PRELID2: variants seen among roughly 807,000 people sequenced by gnomAD.
PRELID2 encodes the protein PRELI domain containing 2.
In PRELID2, 25 loss-of-function variants were observed where a neutral mutation model predicts 28.4. The observed-to-expected ratio is 0.88, with a 90% CI of 0.64 to 1.23. The LOEUF is 1.23. Ranked by LOEUF, PRELID2 falls within the 50% of genes most tolerant of loss-of-function variation. The probability of loss-of-function intolerance (pLI) is 0.00; values close to 1 mark genes in which losing one functional copy is unlikely to be tolerated. For missense variants in PRELID2, 201 were observed against 214.4 expected (o/e 0.94, Z 0.39); for synonymous variants, 76 against 71.6 (o/e 1.06, Z -0.31).
chr5:145,822,884 C>T (rs538826635), intron 2 of PRELID2, among the ~76,000 whole-genome samples, 193 bp downstream of exon 2: 1 of 152,228 alleles, frequency 6.6e-6, no homozygotes, highest in East Asian at 1.9e-4. Context: ...AATCCTGGTG[C>T]TCTACCTGCC....
intron 1 of PRELID2, among the ~76,000 whole-genome samples, chr5:145,498,684 A>G (rs539479876): frequency 6.6e-6 from 1 of 152,102 alleles, no homozygotes; most frequent in African/African-American, 2.4e-5. Flanking sequence ...ATGCACCACC[A>G]TGCCCAGCTA....
rs550235288 is a variant in PRELID2 at position 145,823,313 on chromosome 5, T to C, written c.76-179A>G. On this transcript the variant is annotated intron_variant, in intron 1 of 6. Coordinates refer to ENST00000683046, the MANE Select transcript of PRELID2 (RefSeq NM_205846.3). ...TTGGGCCTAGATAAGTGAGATGCTATCATCATCTTGACTTACATGAAATCT... is the reference window on the plus strand; with the variant it reads ...TTGGGCCTAGATAAGTGAGATGCTACCATCATCTTGACTTACATGAAATCT... 3.3e-5 allele frequency among the ~76,000 whole-genome samples: 5 copies of C among 152,308 alleles called. No individual in the cohort carries two copies. In the East Asian group the frequency reaches 7.7e-4, roughly 24 times the overall value.
chr5:145,783,318 G>C (rs1034245717), intron 5 of PRELID2, among the ~76,000 whole-genome samples: 1 of 152,156 alleles, frequency 6.6e-6, no homozygotes, highest in African/African-American at 2.4e-5. Flanking sequence ...TAAAGGCATT[G>C]ATTTAAACTC....
the PRELID2 span, among the ~76,000 whole-genome samples, chr5:145,400,037 A>C: frequency 6.6e-6 from 1 of 152,078 alleles, no homozygotes; most frequent in African/African-American, 2.4e-5. Flanking sequence ...CCACACCCTC[A>C]CACTGTCCTT....
chr5:145,406,342 T>A, the PRELID2 span, among the ~76,000 whole-genome samples: 1 of 152,230 alleles, frequency 6.6e-6, no homozygotes, highest in African/African-American at 2.4e-5. Context: ...ATGTCTTTAA[T>A]GTTTACATAA....
chr5:145,563,756 G>GT (rs758087769), intron 1 of PRELID2, among the ~76,000 whole-genome samples: 13 of 152,306 alleles, frequency 8.5e-5, no homozygotes, highest in South Asian at 8.3e-4. Flanking sequence ...GAGAATGGTG[G>GT]TTACCAGGGT....
chr5:145,432,970 T>C, the PRELID2 span, among the ~76,000 whole-genome samples: 3 of 152,252 alleles, frequency 2.0e-5, no homozygotes, highest in South Asian at 4.2e-4. Flanking sequence ...CCAGCTTTAA[T>C]GCTACAATAA....
At chr5:145,674,044 T>A (rs1264478345) in intron 1 of PRELID2, among the ~76,000 whole-genome samples, 1 of 152,212 alleles carries the variant, frequency 6.6e-6, no homozygotes. Context: ...AATATAAAGT[T>A]GATTATACCA....
the PRELID2 span, among the ~76,000 whole-genome samples, chr5:145,320,369 C>T: frequency 6.6e-6 from 1 of 151,756 alleles, no homozygotes; most frequent in African/African-American, 2.4e-5. Flanking sequence ...CTCACCGCTT[C>T]ACGCCATTCT....
chr5:145,441,863 A>G, the PRELID2 span, among the ~76,000 whole-genome samples: 2 of 151,770 alleles, frequency 1.3e-5, no homozygotes, highest in African/African-American at 4.8e-5. Flanking sequence ...ACTAGAACCA[A>G]CCTCCCCAGA....
At chr5:145,369,529 C>T in the PRELID2 span, among the ~76,000 whole-genome samples, 1 of 152,030 alleles carries the variant, frequency 6.6e-6, no homozygotes, top group Non-Finnish European at 1.5e-5. Context: ...AATTGTTGGG[C>T]ATTTCAGTTG....
At position 145,707,393 on chromosome 5, in the gene PRELID2, T is replaced by C. The variant is rs1292976556; in HGVS notation, n.70+57538A>G. ...TTGGAATCTGAGTGCGCCAGTAATG[T>C]CGGAAAGAAGGTAATTTCTGTATTA... On this transcript the variant is annotated intron_variant and non_coding_transcript_variant, in intron 1 of 2. Coordinates refer to the PRELID2 transcript ENST00000510259. 2.0e-5 allele frequency among the ~76,000 whole-genome samples: 3 copies of C among 152,148 alleles called. No homozygotes were observed. In the East Asian group the frequency reaches 5.8e-4, roughly 29 times the overall value.
intron 1 of PRELID2, among the ~76,000 whole-genome samples, chr5:145,746,380 C>G (rs1323313591): frequency 6.6e-6 from 1 of 152,052 alleles, no homozygotes; most frequent in African/African-American, 2.4e-5. Flanking sequence ...GGATTGAATT[C>G]CTAGTCTCTG....
chr5:145,420,978 C>G, the PRELID2 span, among the ~76,000 whole-genome samples: 1 of 137,666 alleles, frequency 7.3e-6, no homozygotes, highest in East Asian at 2.1e-4. Context: ...TTTTCTGCAT[C>G]TATTGAGATA....
intron 5 of PRELID2, among the ~76,000 whole-genome samples, chr5:145,781,122 C>A (rs1751553803): frequency 6.6e-6 from 1 of 152,124 alleles, no homozygotes; most frequent in Admixed American, 6.5e-5. Flanking sequence ...TGGCTACAAC[C>A]AAAGGGGTCT....
chr5:145,617,732 T>TA (rs1753719134), intron 1 of PRELID2, among the ~76,000 whole-genome samples: 1 of 128,652 alleles, frequency 7.8e-6, no homozygotes, highest in African/African-American at 3.6e-5. Flanking sequence ...CTTTTCTTTC[T>TA]TTTTTTTTTT....
At chr5:145,233,015 A>G in the PRELID2 span, among the ~76,000 whole-genome samples, 32 of 152,016 alleles carry the variant, frequency 2.1e-4, no homozygotes, top group East Asian at 6.0e-3. Flanking sequence ...ATATATACAT[A>G]TATAGATATT....
intron 1 of PRELID2, among the ~76,000 whole-genome samples, chr5:145,538,618 T>G (rs1752721501): frequency 6.6e-6 from 1 of 151,972 alleles, no homozygotes; most frequent in East Asian, 1.9e-4. Flanking sequence ...GGTGTCTAGC[T>G]GTGTGTTACC....
the PRELID2 span, among the ~76,000 whole-genome samples, chr5:145,337,109 T>A: frequency 2.0e-5 from 3 of 150,198 alleles, no homozygotes; most frequent in African/African-American, 7.3e-5. Flanking sequence ...ACTTGAAGTA[T>A]AATAATAATA....
Sources: gnomAD v4.1 joint callset for allele counts (sites outside exome capture counted in the v4.1 genomes callset) on GRCh38, gnomAD v4.1.1 for gene constraint, MANE v1.5 for transcripts, NCBI Gene and HGNC (gene_info 2026-07-23, HGNC 2026-07-21) for gene names.